CUBN: variants seen among roughly 807,000 people sequenced by gnomAD.
CUBN encodes 460 kDa receptor.
Under a neutral mutation model 405.3 loss-of-function variants are expected in CUBN, and 282 were observed. The observed-to-expected ratio is 0.70, with a 90% CI of 0.63 to 0.77. The LOEUF is 0.77. Ranked by LOEUF, CUBN falls within the 30% of genes least tolerant of loss-of-function variation. The pLI is 0.00. For synonymous variants in CUBN, 1,684 were observed against 1,617.0 expected (o/e 1.04, Z -0.99); for missense variants, 4,514 against 4,475.2 (o/e 1.01, Z -0.25).
chr10:16,920,387 A>T, intron 43 of CUBN, among the ~76,000 whole-genome samples: 1 of 152,194 alleles, frequency 6.6e-6, no homozygotes, highest in East Asian at 1.9e-4. Context: ...TCTTAAAGCC[A>T]ACCAAATGAT....
chr10:16,932,683 C>T (rs1446190584), intron 40 of CUBN, among the ~76,000 whole-genome samples: 2 of 152,132 alleles, frequency 1.3e-5, no homozygotes, highest in South Asian at 2.1e-4. Flanking sequence ...CCTCGACCTC[C>T]CAAAGTGCTG....
At chr10:16,971,259 T>C (rs1393465325) in intron 31 of CUBN, among the ~76,000 whole-genome samples, 1 of 152,192 alleles carries the variant, frequency 6.6e-6, no homozygotes, top group African/African-American at 2.4e-5. Context: ...ACTGCAGAGA[T>C]ATTATGTAAG....
At chr10:16,836,028 T>C (rs1198501333) in intron 63 of CUBN, among the ~76,000 whole-genome samples, 2 of 152,250 alleles carry the variant, frequency 1.3e-5, no homozygotes, top group Non-Finnish European at 2.9e-5. Context: ...CCATCCTGGA[T>C]AGTATTATAT....
intron 59 of CUBN, among the ~76,000 whole-genome samples, chr10:16,858,605 A>C (rs568523627): frequency 1.3e-4 from 20 of 152,362 alleles, no homozygotes; most frequent in South Asian, 8.3e-4. Context: ...TACAGGCATG[A>C]GACACTGCCC....
At chr10:16,985,675 C>T (rs1833397898) in intron 29 of CUBN, among the ~76,000 whole-genome samples, 1 of 152,246 alleles carries the variant, frequency 6.6e-6, no homozygotes, top group African/African-American at 2.4e-5. Context: ...TGGGTTCCTG[C>T]ACCTGCCAAT....
intron 28 of CUBN, 75 bp from the exon 29 acceptor site, chr10:16,990,590 C>A: frequency 7.5e-7 from 1 of 1,325,546 alleles, no homozygotes; most frequent in Non-Finnish European, 1.1e-6. Context: ...TTCAACTCAC[C>A]GAAAGGCCAT....
At chr10:17,040,287 A>G (rs1180978657) in intron 27 of CUBN, among the ~76,000 whole-genome samples, 2 of 152,174 alleles carry the variant, frequency 1.3e-5, no homozygotes, top group Non-Finnish European at 2.9e-5. Context: ...GGATTTTTTG[A>G]AGTATTATAT....
At chr10:16,948,735 C>A (rs1842849416) in intron 34 of CUBN, 129 bp from the exon 35 acceptor site, 7 of 1,118,142 alleles carry the variant, frequency 6.3e-6, no homozygotes, top group Non-Finnish European at 9.2e-6. Flanking sequence ...CTAGGAGAAC[C>A]ACTTCATTCA....
rs575173499 is a variant in CUBN, at chr10:16,910,017, G to A, written c.7534-2338C>T. ...AGTTAAAGCTGCCTCCTCTGCACCAGCAGATCTTCTTTCTTCTTCACTCTT... is the reference window on the plus strand; with the variant it reads ...AGTTAAAGCTGCCTCCTCTGCACCAACAGATCTTCTTTCTTCTTCACTCTT... On this transcript the variant is annotated intron_variant, in intron 48 of 66. Coordinates refer to ENST00000377833, the MANE Select transcript of CUBN (RefSeq NM_001081.4). 5.3e-5 allele frequency among the ~76,000 whole-genome samples: 8 copies of A among 152,284 alleles called. No individual in the cohort carries two copies. The South Asian group carries it at 1.5e-3, about 28-fold the overall frequency.
intron 27 of CUBN, among the ~76,000 whole-genome samples, chr10:17,033,588 G>A (rs926736664): frequency 1.3e-5 from 2 of 152,154 alleles, no homozygotes; most frequent in Admixed American, 6.5e-5. Context: ...AACAAACCCT[G>A]CTTAATTGTG....
chr10:16,847,889 C>T (rs1475220226), intron 60 of CUBN, among the ~76,000 whole-genome samples: 1 of 142,790 alleles, frequency 7.0e-6, no homozygotes, highest in Non-Finnish European at 1.5e-5. Flanking sequence ...TGATTATAAT[C>T]TCTAAAAAAA....
At chr10:17,101,859 G>A (rs1461514296) in intron 13 of CUBN, among the ~76,000 whole-genome samples, 1 of 152,136 alleles carries the variant, frequency 6.6e-6, no homozygotes, top group African/African-American at 2.4e-5. Flanking sequence ...GTAAAATGAA[G>A]ATAATAATTT....
chr10:17,068,346 G>A, intron 20 of CUBN, 66 bp from the exon 21 acceptor site: 2 of 1,494,896 alleles, frequency 1.3e-6, no homozygotes, highest in Non-Finnish European at 1.9e-6. Context: ...AAATTAAAAG[G>A]CTCTGATAAT....
Position 17,102,252 on chromosome 10 carries a change from C to CTTATTTAT in CUBN, c.1530+872_1530+873insATAAATAA, listed in dbSNP as rs201370313. Among the ~76,000 whole-genome samples the CTTATTTAT allele has an allele frequency of 7.9e-3, 1,153 of 145,100 alleles. 14 individuals carry two copies. Among genetic ancestry groups the CTTATTTAT allele is most frequent in the East Asian group, 0.015 (74 of 4,888 alleles). On this transcript the variant is annotated intron_variant, in intron 13 of 66. Transcript: ENST00000377833. ...ATTTCATCTATAAAAGGAGGATCCTCCTATTTATTTATTTATTTATTTATT... is the reference window on the plus strand; with the variant it reads ...ATTTCATCTATAAAAGGAGGATCCTCTTATTTATCTATTTATTTATTTATTTATTTATT...
chr10:16,995,302 T>C (rs1833701831), intron 28 of CUBN, among the ~76,000 whole-genome samples: 1 of 152,142 alleles, frequency 6.6e-6, no homozygotes, highest in Non-Finnish European at 1.5e-5. Flanking sequence ...TGGGCTGTAG[T>C]TCAGACAAAT....
intron 59 of CUBN, among the ~76,000 whole-genome samples, chr10:16,861,845 T>G (rs1404721095): frequency 6.6e-6 from 1 of 152,080 alleles, no homozygotes; most frequent in Non-Finnish European, 1.5e-5. Context: ...TTTGCATACA[T>G]TTCTGTTAAA....
At chr10:16,875,930 G>A (rs1032379478) in intron 57 of CUBN, among the ~76,000 whole-genome samples, 39 of 152,208 alleles carry the variant, frequency 2.6e-4, no homozygotes, top group Non-Finnish European at 2.9e-5. Context: ...GAGAGGAAAC[G>A]TTAATTGCGT....
At chr10:17,058,923 G>A (rs1835448698) in intron 22 of CUBN, among the ~76,000 whole-genome samples, 1 of 151,896 alleles carries the variant, frequency 6.6e-6, no homozygotes, top group Non-Finnish European at 1.5e-5. Flanking sequence ...ATCTTGTATT[G>A]CCAAAGGAAA....
rs1462651535 is a variant in CUBN at position 16,954,490 on chromosome 10, T to A, written c.4754A>T (p.Gln1585Leu). The change falls in exon 32 of 67, where the codon CAG becomes CTG. Residue 1585 changes from glutamine (Q) to leucine (L), a missense_variant. By Grantham distance (113) the Gln-to-Leu change is moderately radical. Coordinates refer to ENST00000377833, the MANE Select transcript of CUBN (RefSeq NM_001081.4). The part of the protein sequence containing the change: ...SRLARTCGRE[Q>L]LANPIVSSGN... ...TGAGGAGACGATGGGGTTAGCCAGC[T>A]GCTCCCTTCCACACGTCCTGGCAAG... 3 of 1,614,118 alleles carry A rather than the reference T, an allele frequency of 1.9e-6. No individual in the cohort carries two copies.
Sources: allele counts gnomAD v4.1 joint callset (sites outside exome capture counted in the v4.1 genomes callset), GRCh38; gene constraint gnomAD v4.1.1; transcripts MANE v1.5; gene names NCBI Gene and HGNC (gene_info 2026-07-23, HGNC 2026-07-21).